The following JPH2 variants were observed in gnomAD, a reference collection of about 807,000 sequenced individuals.
JPH2 encodes the protein junctophilin 2.
JPH2 carries 38 observed loss-of-function variants against 55.9 expected under a neutral mutation model. That is an observed-to-expected ratio of 0.68 (90% CI 0.52 to 0.89). The LOEUF (loss-of-function observed/expected upper bound fraction) is 0.89, where lower values mean the gene tolerates loss of function less well. Among genes scored for constraint, JPH2 ranks in the 40% least tolerant of loss-of-function variants. The pLI, the probability that JPH2 is intolerant of heterozygous loss-of-function variation, is 0.00. For synonymous variants in JPH2, 480 were observed against 472.4 expected (o/e 1.02, Z -0.21); for missense variants, 964 against 1,037.6 (o/e 0.93, Z 0.97).
At chr20:44,127,621 G>T (rs190514930) in intron 2 of JPH2, among the ~76,000 whole-genome samples, 2 of 152,046 alleles carry the variant, frequency 1.3e-5, no homozygotes, top group Admixed American at 1.3e-4. Context: ...GAGTACCTGG[G>T]ATTACAGGCA....
intron 1 of JPH2, among the ~76,000 whole-genome samples, chr20:44,169,557 C>T (rs1469724516): frequency 6.6e-6 from 1 of 152,126 alleles, no homozygotes; most frequent in African/African-American, 2.4e-5. Context: ...CAGTTTGAGA[C>T]ATCAAAGAGA....
intron 2 of JPH2, among the ~76,000 whole-genome samples, chr20:44,127,764 A>G (rs1189404234): frequency 6.6e-6 from 1 of 152,180 alleles, no homozygotes; most frequent in Non-Finnish European, 1.5e-5. Context: ...CTGGGATTAC[A>G]GGCGTGAGCC....
At chr20:44,129,648 G>A (rs1569189274) in intron 2 of JPH2, among the ~76,000 whole-genome samples, 1 of 151,668 alleles carries the variant, frequency 6.6e-6, no homozygotes, top group Non-Finnish European at 1.5e-5. Flanking sequence ...AATGAATAAT[G>A]GCCCCAAAGA....
At chr20:44,161,118 T>G (rs991140888) in intron 1 of JPH2, among the ~76,000 whole-genome samples, 2 of 152,088 alleles carry the variant, frequency 1.3e-5, no homozygotes, top group African/African-American at 4.8e-5. Context: ...CAGGGTAGTG[T>G]GTGCACAGTG....
intron 2 of JPH2, among the ~76,000 whole-genome samples, chr20:44,152,172 C>T (rs2072535960): frequency 6.6e-6 from 1 of 152,246 alleles, no homozygotes; most frequent in Admixed American, 6.5e-5. Context: ...GTAAGTGCTT[C>T]TTAAAGTTTG....
chr20:44,115,873 G>A lies in JPH2; in HGVS notation c.1802C>T (p.Thr601Ile). The change falls in exon 4 of 6, where the codon ACC (threonine) becomes ATC (isoleucine). Residue 601 changes from threonine to isoleucine, a missense_variant. By Grantham distance (89) the Thr-to-Ile change is moderately conservative. Coordinates refer to ENST00000372980, the MANE Select transcript of JPH2 (RefSeq NM_020433.5). Reference protein sequence around the residue: ...GSESAPSSPATAPLQAPTLRG... With the variant: ...GSESAPSSPAIAPLQAPTLRG... ...GAGCGTGGGGGCCTGCAGCGGGGCG[G>A]TGGCCGGGGACGAGGGCGCGGACTC... 6.3e-7 allele frequency: 1 copy of A among 1,585,122 alleles called. No homozygotes were observed. Among genetic ancestry groups the A allele is most frequent in the Non-Finnish European group, 8.5e-7 (1 of 1,171,490 alleles).
intron 2 of JPH2, among the ~76,000 whole-genome samples, chr20:44,149,073 A>G (rs1453462893): frequency 2.6e-5 from 4 of 151,746 alleles, no homozygotes; most frequent in African/African-American, 9.7e-5. Flanking sequence ...CTCAAAAAAA[A>G]AAAACATTCT....
intron 2 of JPH2, among the ~76,000 whole-genome samples, chr20:44,122,148 G>A (rs2072242128): frequency 6.6e-6 from 1 of 152,150 alleles, no homozygotes; most frequent in Non-Finnish European, 1.5e-5. Flanking sequence ...TTCTAAACCT[G>A]GAGCTGTCTG....
chr20:44,116,798 G>A (rs1261788250), intron 3 of JPH2, among the ~76,000 whole-genome samples: 3 of 152,218 alleles, frequency 2.0e-5, no homozygotes, highest in Admixed American at 1.3e-4. Context: ...TTGAGAAAAT[G>A]CATGTCAAAG....
rs1300470308 is a variant in JPH2 at position 44,134,039 on chromosome 20, TATATATAAATATATATTTATTATAA to T, written c.1170-15441_1170-15417del. 1.6e-3 allele frequency among the ~76,000 whole-genome samples: 20 copies of T among 12,492 alleles called. 6 individuals carry two copies. The East Asian group carries it at 0.021, about 13-fold the overall frequency. The allele number at this position is 12,492 out of a possible 152,430, so 8.2% of individuals were successfully genotyped here. ...TTATAAATATATATAAATATATATT[TATATATAAATATATATTTATTATAA>T]ATATATAAATATATATTTATTATAA... On this transcript the variant is annotated intron_variant, in intron 2 of 5. Coordinates refer to ENST00000372980, the MANE Select transcript of JPH2 (RefSeq NM_020433.5).
At chr20:44,120,779 TAG>T (rs2072229996) in intron 2 of JPH2, among the ~76,000 whole-genome samples, 1 of 152,206 alleles carries the variant, frequency 6.6e-6, no homozygotes, top group Non-Finnish European at 1.5e-5. Context: ...AACATTTTAA[TAG>T]AGTTTACGAA....
Position 44,106,833 on chromosome 20 carries a change from C to G in JPH2, c.*6685G>C, listed in dbSNP as rs1313103557. Reference sequence around the variant, plus strand: ...CAATTACCTCCCACTGGGTCCCTCCCACAACGTGTGGGTGGGAATTTAAGA... The same window carrying G: ...CAATTACCTCCCACTGGGTCCCTCCGACAACGTGTGGGTGGGAATTTAAGA... On this transcript the variant is annotated 3_prime_UTR_variant, in exon 6 of 6. Transcript: ENST00000372980. Among the ~76,000 whole-genome samples the G allele has an allele frequency of 6.6e-6, 1 of 152,088 alleles. No homozygotes were observed. Among genetic ancestry groups the G allele is most frequent in the Non-Finnish European group, 1.5e-5 (1 of 68,014 alleles).
intron 3 of JPH2, among the ~76,000 whole-genome samples, chr20:44,118,261 G>C (rs1028119649): frequency 1.3e-5 from 2 of 152,080 alleles, no homozygotes; most frequent in African/African-American, 4.8e-5. Context: ...TCCCTGCTCA[G>C]AGCAGAGAGA....
At chr20:44,141,661 A>C (rs1182019539) in intron 2 of JPH2, among the ~76,000 whole-genome samples, 3 of 151,814 alleles carry the variant, frequency 2.0e-5, no homozygotes, top group Non-Finnish European at 4.4e-5. Context: ...ACGCCTAGCT[A>C]ATATTTTTAT....
At chr20:44,132,513 C>A (rs569391563) in intron 2 of JPH2, among the ~76,000 whole-genome samples, 4 of 151,742 alleles carry the variant, frequency 2.6e-5, no homozygotes, top group African/African-American at 7.3e-5. Flanking sequence ...ATCACTAGCT[C>A]CCTTGCTCAC....
chr20:44,151,938 TC>T (rs1391262824), intron 2 of JPH2, among the ~76,000 whole-genome samples: 1 of 152,150 alleles, frequency 6.6e-6, no homozygotes, highest in Non-Finnish European at 1.5e-5. Flanking sequence ...CCTGGCAGAC[TC>T]CCAACCAGAG....
intron 1 of JPH2, among the ~76,000 whole-genome samples, chr20:44,168,705 C>G (rs766948489): frequency 6.6e-6 from 1 of 152,216 alleles, no homozygotes; most frequent in African/African-American, 2.4e-5. Flanking sequence ...ATGAGAACTT[C>G]CCTTACAAGT....
In JPH2 at chr20:44,132,273, A is replaced by G. The variant is rs542584876; in HGVS notation, c.1170-13650T>C. Among the ~76,000 whole-genome samples the G allele has an allele frequency of 9.2e-5, 14 of 151,850 alleles. No homozygotes were observed. In the South Asian group the frequency reaches 2.9e-3, roughly 32 times the overall value. ...ACAACCTGTTTGCTCTTCTATATAGAGAATATTTATGGAAAGATAGGTAAG... is the reference window on the plus strand; with the variant it reads ...ACAACCTGTTTGCTCTTCTATATAGGGAATATTTATGGAAAGATAGGTAAG... On this transcript the variant is annotated intron_variant, in intron 2 of 5. Coordinates refer to ENST00000372980, the MANE Select transcript of JPH2 (RefSeq NM_020433.5).
chr20:44,160,222 C>T lies in JPH2; in HGVS notation c.565G>A (p.Ala189Thr), dbSNP rs730880254. Residue 189 changes from alanine to threonine, a missense_variant, in exon 2 of 6, where the codon GCG becomes ACG. Coordinates refer to ENST00000372980, the MANE Select transcript of JPH2 (RefSeq NM_020433.5). The surrounding 1 kb of genome is among the most constrained non-coding windows in gnomAD (Gnocchi z 4.9). ...SPASPASDGP[A>T]LPSPAIPRGG... Reference sequence around the variant, plus strand: ...CGCGGGATGGCGGGCGAGGGCAGCGCGGGGCCGTCGGAGGCCGGCGAGGCG... The same window carrying T: ...CGCGGGATGGCGGGCGAGGGCAGCGTGGGGCCGTCGGAGGCCGGCGAGGCG... The T allele has an allele frequency of 3.1e-4, 459 of 1,478,320 alleles. 1 individual carries two copies. Among genetic ancestry groups the T allele is most frequent in the Non-Finnish European group, 2.2e-5 (25 of 1,120,630 alleles). The allele number at this position is 1,478,320 out of a possible 1,614,324, so 91.6% of individuals were successfully genotyped here.
Sources: allele counts gnomAD v4.1 joint callset (sites outside exome capture counted in the v4.1 genomes callset), GRCh38; gene constraint gnomAD v4.1.1; non-coding constraint Gnocchi (gnomAD v3.1); transcripts MANE v1.5; gene names NCBI Gene and HGNC (gene_info 2026-07-23, HGNC 2026-07-21).